The following ZFAT variants were observed in gnomAD, a reference collection of about 807,000 sequenced individuals.
The protein encoded by ZFAT is zinc finger protein ZFAT.
In ZFAT, 64 loss-of-function variants were observed where a neutral mutation model predicts 117.7. The observed-to-expected ratio is 0.54, with a 90% CI of 0.44 to 0.67. The LOEUF is 0.67. ZFAT is among the 30% of genes least tolerant of loss of function. The probability of loss-of-function intolerance (pLI) is 0.00; values close to 1 mark genes in which losing one functional copy is unlikely to be tolerated. For missense variants in ZFAT, 1,433 were observed against 1,584.5 expected (o/e 0.90, Z 1.62); for synonymous variants, 679 against 615.0 (o/e 1.10, Z -1.54).
the ZFAT span, among the ~76,000 whole-genome samples, chr8:134,742,017 T>C: frequency 6.6e-6 from 1 of 152,196 alleles, no homozygotes; most frequent in Non-Finnish European, 1.5e-5. Context: ...CAGTTTCCTC[T>C]AGGACCATGG....
intron 3 of ZFAT, among the ~76,000 whole-genome samples, chr8:134,626,325 G>A (rs1305374987): frequency 6.6e-6 from 1 of 152,236 alleles, no homozygotes; most frequent in Non-Finnish European, 1.5e-5. Context: ...CACGTGGCAA[G>A]AGCTTGAGCT....
At chr8:134,831,046 G>A in the ZFAT span, among the ~76,000 whole-genome samples, 3 of 152,214 alleles carry the variant, frequency 2.0e-5, no homozygotes, top group Non-Finnish European at 2.9e-5. Context: ...CCGGGTCAAT[G>A]CGATTACTTA....
At chr8:134,569,858 A>G (rs1322858511) in intron 10 of ZFAT, among the ~76,000 whole-genome samples, 1 of 152,204 alleles carries the variant, frequency 6.6e-6, no homozygotes, top group Non-Finnish European at 1.5e-5. Flanking sequence ...TAAAACAAAA[A>G]GCATAAAAGC....
chr8:134,721,014 G>A, the ZFAT span, among the ~76,000 whole-genome samples: 11 of 152,314 alleles, frequency 7.2e-5, no homozygotes, highest in East Asian at 1.5e-3. Context: ...GTGAGACCAC[G>A]CGGCAAGCTG....
At chr8:134,716,284 A>G (rs776941155), upstream of ZFAT, among the ~76,000 whole-genome samples, 2 of 152,184 alleles carry the variant, frequency 1.3e-5, no homozygotes, top group African/African-American at 2.4e-5. Flanking sequence ...TTAAAAATCT[A>G]AATAGGCACA....
chr8:134,702,807 G>A (rs1459748106), intron 1 of ZFAT, among the ~76,000 whole-genome samples: 1 of 152,102 alleles, frequency 6.6e-6, no homozygotes, highest in African/African-American at 2.4e-5. Flanking sequence ...GAGTAGCTGG[G>A]ACTACAGGCA....
chr8:134,832,186 C>G, the ZFAT span, among the ~76,000 whole-genome samples: 1 of 151,184 alleles, frequency 6.6e-6, no homozygotes, highest in East Asian at 2.0e-4. Flanking sequence ...CGGCGGCGTC[C>G]GCACTGAGAA....
At chr8:134,607,046 G>T (rs560333671) in intron 5 of ZFAT, among the ~76,000 whole-genome samples, 3 of 152,132 alleles carry the variant, frequency 2.0e-5, no homozygotes, top group Non-Finnish European at 4.4e-5. Flanking sequence ...CTTATAATTT[G>T]CACAATAAAA....
chr8:134,635,210 G>A (rs796298559), intron 3 of ZFAT, among the ~76,000 whole-genome samples: 16 of 152,260 alleles, frequency 1.1e-4, no homozygotes, highest in African/African-American at 3.4e-4. Context: ...ACTGGGGAAC[G>A]GCCACAGACC....
chr8:134,484,850 C>G (rs184259369), intron 15 of ZFAT, among the ~76,000 whole-genome samples: 1 of 152,192 alleles, frequency 6.6e-6, no homozygotes, highest in South Asian at 2.1e-4. Context: ...GGCTGGAGTA[C>G]AGTGATGCAA....
chr8:134,506,800 G>A (rs1381099369), intron 15 of ZFAT, among the ~76,000 whole-genome samples: 4 of 152,120 alleles, frequency 2.6e-5, no homozygotes, highest in Non-Finnish European at 5.9e-5. Context: ...AATTTGTTTT[G>A]TTTTTGGTCT....
At chr8:134,794,235 A>C in the ZFAT span, 1 of 152,202 alleles carries the variant, frequency 6.6e-6, no homozygotes, top group Non-Finnish European at 1.5e-5. Context: ...TATTTAATAT[A>C]AGATATTTAC....
chr8:134,771,398 T>A, the ZFAT span, among the ~76,000 whole-genome samples: 1 of 152,188 alleles, frequency 6.6e-6, no homozygotes, highest in Admixed American at 6.5e-5. Flanking sequence ...ATTTCTTCTA[T>A]CAGATACCCT....
chr8:134,711,966 C>T (rs562951944), intron 1 of ZFAT, among the ~76,000 whole-genome samples: 4 of 152,270 alleles, frequency 2.6e-5, no homozygotes, highest in African/African-American at 9.6e-5. Context: ...GGCAGCTGTG[C>T]GGGGCATCTC....
chr8:134,497,421 CT>C (rs1248361098), intron 15 of ZFAT, among the ~76,000 whole-genome samples: 1 of 151,572 alleles, frequency 6.6e-6, no homozygotes, highest in African/African-American at 2.4e-5. Context: ...CACACAGAGC[CT>C]GATTTGGTAG....
chr8:134,499,406 G>T (rs6982635), intron 15 of ZFAT, among the ~76,000 whole-genome samples: 16,973 of 144,016 alleles, frequency 0.12, 859 homozygotes, highest in Non-Finnish European at 0.16. Flanking sequence ...GGATGCCCCC[G>T]TTGCTGGTTA....
chr8:134,704,773 G>A (rs996355933), intron 1 of ZFAT, among the ~76,000 whole-genome samples: 2 of 152,040 alleles, frequency 1.3e-5, no homozygotes, highest in African/African-American at 4.8e-5. Flanking sequence ...TCTAACAAAT[G>A]AGGCTAGAAA....
At chr8:134,728,370 A>G in the ZFAT span, among the ~76,000 whole-genome samples, 2 of 152,130 alleles carry the variant, frequency 1.3e-5, no homozygotes, top group Non-Finnish European at 2.9e-5. Context: ...CAGGCATGCA[A>G]GCTTTTCCTA....
Position 134,601,542 on chromosome 8 carries a change from T to G in ZFAT, c.2177A>C (p.Gln726Pro). Reference sequence around the variant, plus strand: ...CCGCTCACACAAGCTGGTGTTCATTTGCTTCTTCTGTAAACTGTTCAGGAC... The same window carrying G: ...CCGCTCACACAAGCTGGTGTTCATTGGCTTCTTCTGTAAACTGTTCAGGAC... ...MKVLNSLQKK[Q>P]MNTSLCERIR... The change falls in exon 6 of 16, where the codon CAA (glutamine) becomes CCA (proline). Residue 726 changes from glutamine (Q) to proline (P), a missense_variant. By Grantham distance (76) the Gln-to-Pro change is moderately conservative (BLOSUM62 -1). Transcript: ENST00000377838. 6.2e-7 allele frequency: 1 copy of G among 1,614,248 alleles called. No homozygotes were observed.
Sources: allele counts gnomAD v4.1 joint callset (sites outside exome capture counted in the v4.1 genomes callset), GRCh38; gene constraint gnomAD v4.1.1; transcripts MANE v1.5; gene names NCBI Gene and HGNC (gene_info 2026-07-23, HGNC 2026-07-21).